Variants in NEGR1 observed in about 807,000 individuals in gnomAD.
NEGR1 encodes IgLON family member 4.
A neutral mutation model predicts 40.9 loss-of-function variants in NEGR1; 10 were observed. The observed-to-expected ratio is 0.24, with a 90% CI of 0.15 to 0.42. The LOEUF (loss-of-function observed/expected upper bound fraction) is 0.42, where lower values mean the gene tolerates loss of function less well. Among genes scored for constraint, NEGR1 ranks in the 10% least tolerant of loss-of-function variants. The pLI, the probability that NEGR1 is intolerant of heterozygous loss-of-function variation, is 1.00. For missense variants in NEGR1, 352 were observed against 438.9 expected (o/e 0.80, Z 1.77); for synonymous variants, 185 against 166.8 (o/e 1.11, Z -0.84).
At chr1:71,442,817 C>T (rs1646556784) in intron 6 of NEGR1, among the ~76,000 whole-genome samples, 1 of 152,130 alleles carries the variant, frequency 6.6e-6, no homozygotes, top group African/African-American at 2.4e-5. Context: ...GAGAAGGTTG[C>T]TGCTGACTTT....
At chr1:72,191,333 T>C (rs1242060883) in intron 1 of NEGR1, among the ~76,000 whole-genome samples, 1 of 151,744 alleles carries the variant, frequency 6.6e-6, no homozygotes, top group African/African-American at 2.4e-5. Flanking sequence ...AAAAGTTCCA[T>C]GAATAGTTCC....
At chr1:72,125,748 TA>T (rs202143170) in intron 1 of NEGR1, among the ~76,000 whole-genome samples, 2,034 of 152,242 alleles carry the variant, frequency 0.013, 26 homozygotes, top group Non-Finnish European at 0.021. Flanking sequence ...ATTTCTCACA[TA>T]AAATAAAAAA....
intron 3 of NEGR1, among the ~76,000 whole-genome samples, chr1:71,745,887 C>G (rs1288309934): frequency 6.6e-6 from 1 of 152,152 alleles, no homozygotes; most frequent in Non-Finnish European, 1.5e-5. Flanking sequence ...TTCTGTGTAA[C>G]AGCTGGCCAT....
intron 1 of NEGR1, among the ~76,000 whole-genome samples, chr1:72,280,712 G>T (rs1031538186): frequency 1.2e-4 from 19 of 152,040 alleles, no homozygotes; most frequent in Non-Finnish European, 1.3e-4. Flanking sequence ...AAATACGATA[G>T]TATTCCAAAT....
chr1:71,543,224 G>A (rs990232022), intron 6 of NEGR1, among the ~76,000 whole-genome samples: 2 of 151,670 alleles, frequency 1.3e-5, no homozygotes, highest in Non-Finnish European at 3.0e-5. Flanking sequence ...GTGGACATTT[G>A]TACATTCTTA....
intron 1 of NEGR1, among the ~76,000 whole-genome samples, chr1:72,245,778 CTAAG>C (rs1335803714): frequency 1.3e-5 from 2 of 152,020 alleles, no homozygotes; most frequent in Admixed American, 6.6e-5. Flanking sequence ...AATGAAATTA[CTAAG>C]TAAATATTCC....
intron 6 of NEGR1, among the ~76,000 whole-genome samples, chr1:71,549,869 T>G (rs944411205): frequency 1.3e-5 from 2 of 151,668 alleles, no homozygotes; most frequent in African/African-American, 4.8e-5. Flanking sequence ...AAGCTTCTAG[T>G]ATAGAGCCAG....
chr1:71,990,815 T>G (rs1286632213), intron 1 of NEGR1, among the ~76,000 whole-genome samples: 1 of 152,044 alleles, frequency 6.6e-6, no homozygotes, highest in Non-Finnish European at 1.5e-5. Flanking sequence ...CACTCTGCAT[T>G]TTCTTTCTGA....
chr1:71,471,834 C>A (rs1422341300), intron 6 of NEGR1, among the ~76,000 whole-genome samples: 1 of 152,072 alleles, frequency 6.6e-6, no homozygotes, highest in East Asian at 1.9e-4. Context: ...GTTTGAGGAG[C>A]CAGTATTCCA....
chr1:71,942,468 TATATATATATATATA>T (rs1206499820), intron 1 of NEGR1, among the ~76,000 whole-genome samples: 6 of 12,468 alleles, frequency 4.8e-4, no homozygotes, highest in Non-Finnish European at 1.0e-3. Flanking sequence ...TATATATATA[TATATATATATATATA>T]TTTTTTTTTT....
At chr1:72,102,278 C>A (rs1322268125) in intron 1 of NEGR1, among the ~76,000 whole-genome samples, 1 of 151,636 alleles carries the variant, frequency 6.6e-6, no homozygotes, top group African/African-American at 2.4e-5. Flanking sequence ...TTATCCAACC[C>A]CCCCATAATT....
chr1:71,445,671 C>T (rs568180810), intron 6 of NEGR1, among the ~76,000 whole-genome samples: 5 of 152,212 alleles, frequency 3.3e-5, no homozygotes, highest in African/African-American at 1.2e-4. Context: ...AAAATAAGAC[C>T]TAGAAAATGC....
At position 71,773,404 on chromosome 1, in the gene NEGR1, T is replaced by C. The variant is rs183169615; in HGVS notation, c.535+2768A>G. Among the ~76,000 whole-genome samples, 3 of 152,322 alleles carry C rather than the reference T, an allele frequency of 2.0e-5. No homozygotes were observed. The East Asian group carries it at 5.8e-4, about 29-fold the overall frequency. ...CATGTTCACAGGTTAACTGCTGTTT[T>C]GGGACACATTTTCTTTCATAATATA... On this transcript the variant is annotated intron_variant, in intron 3 of 6. Transcript: ENST00000357731.
intron 1 of NEGR1, among the ~76,000 whole-genome samples, chr1:72,149,037 G>A (rs562548125): frequency 1.3e-5 from 2 of 152,160 alleles, no homozygotes; most frequent in East Asian, 1.9e-4. Flanking sequence ...TACTCTATTA[G>A]TTCACTTTCA....
intron 4 of NEGR1, among the ~76,000 whole-genome samples, chr1:71,644,124 C>T (rs551480760): frequency 6.6e-6 from 1 of 152,006 alleles, no homozygotes; most frequent in East Asian, 1.9e-4. Context: ...TACACTGGTC[C>T]CTATGAGCTG....
chr1:72,125,427 CAA>C (rs1352381011), intron 1 of NEGR1, among the ~76,000 whole-genome samples: 1 of 151,314 alleles, frequency 6.6e-6, no homozygotes, highest in African/African-American at 2.4e-5. Context: ...ACGCTATGTA[CAA>C]AGTTATAAAA....
chr1:71,627,127 C>T (rs1271180721), intron 4 of NEGR1, among the ~76,000 whole-genome samples: 3 of 152,032 alleles, frequency 2.0e-5, no homozygotes, highest in African/African-American at 7.2e-5. Context: ...ACCATTTGAC[C>T]CAGCCATCCC....
intron 1 of NEGR1, among the ~76,000 whole-genome samples, chr1:72,094,272 A>T (rs1648612590): frequency 6.6e-6 from 1 of 152,208 alleles, no homozygotes; most frequent in African/African-American, 2.4e-5. Context: ...ATGAAAGATA[A>T]CACATTTATG....
chr1:71,657,445 A>G (rs1651915114), intron 4 of NEGR1, among the ~76,000 whole-genome samples: 1 of 152,210 alleles, frequency 6.6e-6, no homozygotes, highest in African/African-American at 2.4e-5. Flanking sequence ...TATGAAACCA[A>G]ATCGGAAGTC....
Sources: gnomAD v4.1 joint callset for allele counts (sites outside exome capture counted in the v4.1 genomes callset) on GRCh38, gnomAD v4.1.1 for gene constraint, MANE v1.5 for transcripts, NCBI Gene and HGNC (gene_info 2026-07-23, HGNC 2026-07-21) for gene names.